Variants in ZNF454 observed in about 807,000 individuals in gnomAD.
ZNF454 encodes the protein zinc finger protein 454.
A neutral mutation model predicts 48.2 loss-of-function variants in ZNF454; 30 were observed. The observed-to-expected ratio is 0.62, with a 90% CI of 0.47 to 0.84. The LOEUF (loss-of-function observed/expected upper bound fraction) is 0.84, where lower values mean the gene tolerates loss of function less well. Ranked by LOEUF, ZNF454 falls within the 40% of genes least tolerant of loss-of-function variation. The probability of loss-of-function intolerance (pLI) is 0.00; values close to 1 mark genes in which losing one functional copy is unlikely to be tolerated. For synonymous variants in ZNF454, 204 were observed against 211.4 expected, an observed-to-expected ratio of 0.97 and a Z score of 0.30; for missense variants, 510 against 623.1, an observed-to-expected ratio of 0.82 and a Z score of 1.93.
chr5:178,955,396 G>C (rs1759707565), intron 4 of ZNF454, among the ~76,000 whole-genome samples: 2 of 152,214 alleles, frequency 1.3e-5, no homozygotes, highest in South Asian at 4.1e-4. Flanking sequence ...TTTGATGTGA[G>C]AGTTTTATCA....
the ZNF454 span, chr5:178,982,791 T>G: frequency 1.4e-6 from 1 of 736,696 alleles, no homozygotes; most frequent in Non-Finnish European, 2.4e-6. Flanking sequence ...AATGAGTGAA[T>G]GAACAAGCAG....
intron 1 of ZNF454, 155 bp from the exon 2 acceptor site, chr5:178,942,530 G>A: frequency 2.1e-6 from 1 of 468,998 alleles, no homozygotes; most frequent in Non-Finnish European, 3.8e-6. Flanking sequence ...AAAAGTCAAT[G>A]TATAGTACCC....
the ZNF454 span, chr5:178,986,510 A>G: frequency 6.2e-7 from 1 of 1,608,888 alleles, no homozygotes; most frequent in African/African-American, 1.3e-5. Context: ...CAGGGGGAGG[A>G]CCAGCTCAGG....
the ZNF454 span, chr5:178,986,682 C>T: frequency 1.5e-5 from 24 of 1,603,596 alleles, no homozygotes; most frequent in East Asian, 6.7e-5. Flanking sequence ...TCCGCTCCCC[C>T]GGCCCGCAGG....
In ZNF454 at chr5:178,965,007, T is replaced by C. The variant is rs747813397; in HGVS notation, c.603T>C (p.Asn201=). The C allele has an allele frequency of 6.2e-7, 1 of 1,613,706 alleles. No individual in the cohort carries two copies. Among genetic ancestry groups the C allele is most frequent in the African/African-American group, 1.3e-5 (1 of 74,814 alleles). Residue 201 remains asparagine (N), a synonymous_variant, in exon 5 of 5, where the codon AAT becomes AAC. Transcript: ENST00000519564. The surrounding 1 kb of genome is among the most constrained non-coding windows in gnomAD (Gnocchi z 5.2). ...TTAATAAACATCAGAAAATTCATAA[T>C]GAAAAAAATGCAAATCAGAAAATTC... ...STLNKHQKIH[N]EKNANQKIHI... is the part of the protein sequence containing the mutation.
In ZNF454 at chr5:178,946,443, A is replaced by G; in HGVS notation, c.118A>G (p.Arg40Gly). The G allele has an allele frequency of 6.2e-7, 1 of 1,610,432 alleles. No homozygotes were observed. Among genetic ancestry groups the G allele is most frequent in the African/African-American group, 1.3e-5 (1 of 74,760 alleles). Reference protein sequence around the residue: ...QLSPAQRALYRDVMLENYSNL... With the variant: ...QLSPAQRALYGDVMLENYSNL... Reference sequence around the variant, plus strand: ...GAGCCCCGCCCAGAGGGCCCTGTACAGGGACGTGATGCTGGAGAACTACAG... The same window carrying G: ...GAGCCCCGCCCAGAGGGCCCTGTACGGGGACGTGATGCTGGAGAACTACAG... The change falls in exon 3 of 5, where the codon AGG (arginine) becomes GGG (glycine). Residue 40 changes from arginine (R) to glycine (G), a missense_variant. By Grantham distance (125) the Arg-to-Gly change is moderately radical. Coordinates refer to ENST00000519564, the MANE Select transcript of ZNF454 (RefSeq NM_001178089.3). This position sits in a 1 kb window ranked among gnomAD's most constrained non-coding sequence, Gnocchi z 4.5.
chr5:178,962,752 G>A (rs1032329896), intron 4 of ZNF454, among the ~76,000 whole-genome samples: 1 of 151,432 alleles, frequency 6.6e-6, no homozygotes. Context: ...CTTTTTTATT[G>A]TATCCCTGAC....
At chr5:178,961,044 A>G (rs1759996160) in intron 4 of ZNF454, among the ~76,000 whole-genome samples, 1 of 149,606 alleles carries the variant, frequency 6.7e-6, no homozygotes, top group African/African-American at 2.5e-5. Context: ...GATTCTTCTG[A>G]CTCAGCCTCC....
chr5:178,985,983 A>G, the ZNF454 span: 7 of 717,828 alleles, frequency 9.8e-6, no homozygotes, highest in Non-Finnish European at 1.6e-5. Context: ...GCTGGTCTCG[A>G]ACTCCTGGAC....
chr5:178,987,003 T>A, the ZNF454 span: 4 of 1,609,824 alleles, frequency 2.5e-6, no homozygotes, highest in East Asian at 9.0e-5. Context: ...GAGTCCGTCA[T>A]CCTCGGTGGT....
At chr5:178,987,322 G>A in the ZNF454 span, 3 of 501,674 alleles carry the variant, frequency 6.0e-6, no homozygotes, top group South Asian at 4.6e-5. Flanking sequence ...AGATACTCGA[G>A]AGACTAGAAA....
At chr5:178,974,160 T>C in the ZNF454 span, among the ~76,000 whole-genome samples, 1 of 152,176 alleles carries the variant, frequency 6.6e-6, no homozygotes, top group African/African-American at 2.4e-5. Context: ...GGTACAAGAA[T>C]TCATCCGAGT....
the ZNF454 span, chr5:178,983,573 G>A: frequency 2.2e-6 from 1 of 445,768 alleles, no homozygotes; most frequent in Non-Finnish European, 4.5e-6. Flanking sequence ...CCCCTTCAAG[G>A]TAGATGGATG....
the ZNF454 span, chr5:178,987,434 C>T: frequency 4.1e-5 from 19 of 457,948 alleles, no homozygotes; most frequent in African/African-American, 8.0e-5. Context: ...GAAGAATGGA[C>T]GAACACGACG....
chr5:178,970,252 G>A (rs1561711254), downstream of ZNF454, among the ~76,000 whole-genome samples: 1 of 152,108 alleles, frequency 6.6e-6, no homozygotes, highest in Non-Finnish European at 1.5e-5. Flanking sequence ...CTCCCCTGTA[G>A]CACTGGCTTA....
At chr5:178,985,574 G>A in the ZNF454 span, 28 of 339,546 alleles carry the variant, frequency 8.2e-5, 1 homozygote, top group South Asian at 2.3e-4. Flanking sequence ...GTGGTGGCGG[G>A]CGCCTGTAGT....
chr5:178,982,524 C>T, the ZNF454 span, among the ~76,000 whole-genome samples: 1 of 125,702 alleles, frequency 8.0e-6, no homozygotes, highest in Non-Finnish European at 1.6e-5. Flanking sequence ...TTGCAGTGAG[C>T]CAAGATCACG....
the ZNF454 span, chr5:178,986,298 G>A: frequency 2.7e-3 from 4,349 of 1,614,050 alleles, 103 homozygotes; most frequent in African/African-American, 0.051. Flanking sequence ...AGAGCCTGCG[G>A]GCGGCACAGA....
chr5:178,981,522 A>C, the ZNF454 span: 1 of 670,542 alleles, frequency 1.5e-6, no homozygotes, highest in Non-Finnish European at 2.6e-6. The surrounding 1 kb of genome is among the most constrained non-coding windows in gnomAD (Gnocchi z 5.1). Flanking sequence ...GGCCAGCCCC[A>C]CCGACGCGGA....
Sources: gnomAD v4.1 joint callset for allele counts (sites outside exome capture counted in the v4.1 genomes callset) on GRCh38, gnomAD v4.1.1 for gene constraint, Gnocchi (gnomAD v3.1) non-coding constraint, MANE v1.5 for transcripts, NCBI Gene and HGNC (gene_info 2026-07-23, HGNC 2026-07-21) for gene names.